PTPRN2: variants seen among roughly 807,000 people sequenced by gnomAD.
The protein encoded by PTPRN2 is receptor-type tyrosine-protein phosphatase N2.
Under a neutral mutation model 118.8 loss-of-function variants are expected in PTPRN2, and 74 were observed. The observed-to-expected ratio is 0.62, with a 90% CI of 0.52 to 0.76. The LOEUF is 0.76. Among genes scored for constraint, PTPRN2 ranks in the 30% least tolerant of loss-of-function variants. The pLI is 0.00. For missense variants in PTPRN2, 1,481 were observed against 1,394.4 expected, an observed-to-expected ratio of 1.06 and a Z score of -0.99; for synonymous variants, 641 against 608.0, an observed-to-expected ratio of 1.05 and a Z score of -0.80.
At chr7:158,133,557 A>G in intron 9 of PTPRN2, 120 bp downstream of exon 9, 2 of 1,374,350 alleles carry the variant, frequency 1.5e-6, no homozygotes, top group Non-Finnish European at 9.7e-7. Context: ...GCACCCCATT[A>G]TTCAGTTGAA....
chr7:157,581,207 C>A (rs1462057200), intron 17 of PTPRN2, among the ~76,000 whole-genome samples: 1 of 152,254 alleles, frequency 6.6e-6, no homozygotes, highest in African/African-American at 2.4e-5. Context: ...CTGGATCGAA[C>A]CAAAGTCACC....
intron 11 of PTPRN2, among the ~76,000 whole-genome samples, chr7:158,067,774 AGGCCGGGCCGCGGGCAGCACACCGGGTCG>A (rs1810887377): frequency 6.6e-6 from 1 of 152,022 alleles, no homozygotes; most frequent in Non-Finnish European, 1.5e-5. Context: ...ACACCGGGTC[AGGCCGGGCCGCGGGCAGCACACCGGGTCG>A]GGTCAGGCTG....
intron 11 of PTPRN2, among the ~76,000 whole-genome samples, chr7:158,038,706 T>G (rs6971035): frequency 0.018 from 2,728 of 148,622 alleles, 93 homozygotes; most frequent in African/African-American, 0.063. Flanking sequence ...ACATGTATAT[T>G]TATATTATAT....
chr7:158,229,379 G>A (rs1359166297), intron 3 of PTPRN2, among the ~76,000 whole-genome samples: 1 of 151,980 alleles, frequency 6.6e-6, no homozygotes, highest in East Asian at 1.9e-4. Flanking sequence ...GGAAACCATG[G>A]CCTTCTCAAA....
At chr7:158,487,372 G>A (rs1477587139) in intron 2 of PTPRN2, among the ~76,000 whole-genome samples, 2 of 152,096 alleles carry the variant, frequency 1.3e-5, no homozygotes, top group African/African-American at 4.8e-5. Flanking sequence ...CAGCAACGAC[G>A]CCATTTTACA....
At chr7:158,471,278 C>A (rs1196984007) in intron 2 of PTPRN2, among the ~76,000 whole-genome samples, 3 of 152,144 alleles carry the variant, frequency 2.0e-5, no homozygotes. Context: ...CCCGCCTCCC[C>A]CTCCTATGGA....
At position 157,988,457 on chromosome 7, in the gene PTPRN2, C is replaced by G. The variant is rs1027296944; in HGVS notation, c.1724-89720G>C. On this transcript the variant is annotated intron_variant, in intron 11 of 22. Transcript: ENST00000389418. ...CCTGCCTGCACGTCTTGACATGGCCCCACAGGAGGGTTCCCTGTCTTTCAC... is the reference window on the plus strand; with the variant it reads ...CCTGCCTGCACGTCTTGACATGGCCGCACAGGAGGGTTCCCTGTCTTTCAC... 2.0e-5 allele frequency among the ~76,000 whole-genome samples: 3 copies of G among 152,336 alleles called. No homozygotes were observed. The East Asian group carries it at 5.8e-4, about 29-fold the overall frequency.
chr7:157,928,443 A>G (rs1799153647), intron 11 of PTPRN2, among the ~76,000 whole-genome samples: 1 of 152,124 alleles, frequency 6.6e-6, no homozygotes, highest in Non-Finnish European at 1.5e-5. Flanking sequence ...TAGGCCCTGA[A>G]CACTCTTCTT....
chr7:157,636,344 C>A (rs1168540707), intron 14 of PTPRN2, among the ~76,000 whole-genome samples: 4 of 152,062 alleles, frequency 2.6e-5, no homozygotes, highest in Non-Finnish European at 1.5e-5. Flanking sequence ...TCATCAAGAC[C>A]ACCTGCCTTT....
chr7:158,150,018 T>A (rs55752453), intron 6 of PTPRN2, among the ~76,000 whole-genome samples: 1 of 152,060 alleles, frequency 6.6e-6, no homozygotes, highest in Non-Finnish European at 1.5e-5. Flanking sequence ...ACATCAGATT[T>A]AGGTGGCGTA....
chr7:157,913,297 TA>T (rs924830622), intron 11 of PTPRN2, among the ~76,000 whole-genome samples: 22 of 152,338 alleles, frequency 1.4e-4, no homozygotes, highest in Middle Eastern at 3.4e-3. Context: ...CTAATTCCAT[TA>T]GTTTACCTGG....
chr7:158,407,122 GGGT>G (rs1813517757), intron 2 of PTPRN2, among the ~76,000 whole-genome samples: 1 of 150,186 alleles, frequency 6.7e-6, no homozygotes, highest in African/African-American at 2.4e-5. Context: ...CCTGCGTCCT[GGGT>G]CCTGGGTCCT....
Position 158,486,871 on chromosome 7 carries a change from G to A in PTPRN2, c.163+2864C>T, listed in dbSNP as rs183854094. On this transcript the variant is annotated intron_variant, in intron 2 of 22. Transcript: ENST00000389418. ...ACACTGTTGATCAGTCATCACCACC[G>A]TCTATTCCCAGAACTCTTCCATCGT... 1.9e-4 allele frequency among the ~76,000 whole-genome samples: 29 copies of A among 152,244 alleles called. No individual in the cohort carries two copies. In the East Asian group the frequency reaches 1.9e-3, roughly 10 times the overall value.
At chr7:158,419,394 C>T (rs1467369485) in intron 2 of PTPRN2, among the ~76,000 whole-genome samples, 4 of 138,456 alleles carry the variant, frequency 2.9e-5, no homozygotes, top group African/African-American at 1.1e-4. Flanking sequence ...TCCTTCACTG[C>T]AAGAATTCCA....
rs184912887 is a variant in PTPRN2 at position 158,525,124 on chromosome 7, G to T, written c.113-35339C>A. ...GGCCCTCCATGCGAAGAAATGCTGC[G>T]TCCCAGGCCCTGCACAGTGCTGGAC... On this transcript the variant is annotated intron_variant, in intron 1 of 22. Coordinates refer to ENST00000389418, the MANE Select transcript of PTPRN2 (RefSeq NM_002847.5). The surrounding 1 kb of genome is among the most constrained non-coding windows in gnomAD (Gnocchi z 4.1). Among the ~76,000 whole-genome samples, 1 of 152,136 alleles carries T rather than the reference G, an allele frequency of 6.6e-6. No homozygotes were observed. Among genetic ancestry groups the T allele is most frequent in the Non-Finnish European group, 1.5e-5 (1 of 68,038 alleles).
At chr7:157,933,466 T>G (rs1310256248) in intron 11 of PTPRN2, among the ~76,000 whole-genome samples, 1 of 143,684 alleles carries the variant, frequency 7.0e-6, no homozygotes, top group Non-Finnish European at 1.5e-5. Flanking sequence ...GTCACTCTGA[T>G]TGACAGTTTT....
At chr7:158,306,824 C>T (rs1298710329) in intron 3 of PTPRN2, among the ~76,000 whole-genome samples, 1 of 147,364 alleles carries the variant, frequency 6.8e-6, no homozygotes, top group Non-Finnish European at 1.5e-5. Context: ...AAATGGCTTA[C>T]AAGACAAAGA....
At chr7:158,226,010 GGACA>G (rs1408802884) in intron 3 of PTPRN2, among the ~76,000 whole-genome samples, 1 of 151,936 alleles carries the variant, frequency 6.6e-6, no homozygotes, top group Non-Finnish European at 1.5e-5. Context: ...GCTCTGCATC[GGACA>G]GAAATATCAT....
At chr7:158,191,970 T>C (rs1825804232) in intron 5 of PTPRN2, among the ~76,000 whole-genome samples, 1 of 152,166 alleles carries the variant, frequency 6.6e-6, no homozygotes, top group Non-Finnish European at 1.5e-5. Flanking sequence ...GGTTTCAGTG[T>C]CCACTGCTGT....
Sources: allele counts gnomAD v4.1 joint callset (sites outside exome capture counted in the v4.1 genomes callset), GRCh38; gene constraint gnomAD v4.1.1; non-coding constraint Gnocchi (gnomAD v3.1); transcripts MANE v1.5; gene names NCBI Gene and HGNC (gene_info 2026-07-23, HGNC 2026-07-21).